ANGPT4: variants seen among roughly 807,000 people sequenced by gnomAD.
ANGPT4 encodes angiopoietin 4, also known as angiopoietin-4.
In ANGPT4, 50 loss-of-function variants were observed where a neutral mutation model predicts 53.0. The ratio of observed to expected loss-of-function variants is 0.94; its 90% CI spans 0.75 to 1.20. The LOEUF is 1.20. Among genes scored for constraint, ANGPT4 ranks in the 50% most tolerant of loss-of-function variants. ANGPT4 has a pLI of 0.00. For synonymous variants in ANGPT4, 251 were observed against 259.7 expected, an observed-to-expected ratio of 0.97 and a Z score of 0.32; for missense variants, 648 against 637.1, an observed-to-expected ratio of 1.02 and a Z score of -0.18.
At chr20:890,432 G>A (rs958518849) in intron 1 of ANGPT4, 64 bp from the exon 2 acceptor site, 35 of 1,491,168 alleles carry the variant, frequency 2.3e-5, no homozygotes, top group East Asian at 4.6e-5. Flanking sequence ...TCCCTCCCAC[G>A]TGTCACCATG....
intron 4 of ANGPT4, among the ~76,000 whole-genome samples, chr20:881,533 C>A (rs993613077): frequency 6.6e-6 from 1 of 152,058 alleles, no homozygotes; most frequent in Non-Finnish European, 1.5e-5. Context: ...ATGCAAAGGC[C>A]CCAAGGTAGG....
intron 1 of ANGPT4, among the ~76,000 whole-genome samples, chr20:909,263 A>G (rs1982607591): frequency 6.6e-6 from 1 of 152,214 alleles, no homozygotes; most frequent in Non-Finnish European, 1.5e-5. Context: ...AATTCACCCC[A>G]GCAAAGCACT....
chr20:891,297 C>T (rs188842639), intron 1 of ANGPT4, among the ~76,000 whole-genome samples: 2 of 152,324 alleles, frequency 1.3e-5, no homozygotes, highest in East Asian at 3.9e-4. Context: ...TTCAGATCCC[C>T]TCTATCTGCC....
chr20:889,248 G>A (rs145514994), intron 2 of ANGPT4, among the ~76,000 whole-genome samples: 1 of 147,046 alleles, frequency 6.8e-6, no homozygotes, highest in Non-Finnish European at 1.5e-5. Context: ...CGCTGTCACT[G>A]GCTAACATAT....
Position 874,660 on chromosome 20 carries a change from G to A in ANGPT4, c.1221-246C>T, listed in dbSNP as rs148453909. ...AGGCCTCCCCTATCTCACTGAACCT[G>A]AGTCTTGGAGAGAAGTGATAATGGT... On this transcript the variant is annotated intron_variant, in intron 7 of 8. Coordinates refer to ENST00000381922, the MANE Select transcript of ANGPT4 (RefSeq NM_015985.4). Among the ~76,000 whole-genome samples the A allele has an allele frequency of 2.0e-5, 3 of 152,342 alleles. No homozygotes were observed. The East Asian group carries it at 5.8e-4, about 29-fold the overall frequency.
At chr20:915,465 C>G (rs903662875) in intron 1 of ANGPT4, among the ~76,000 whole-genome samples, 78 of 152,198 alleles carry the variant, frequency 5.1e-4, no homozygotes, top group African/African-American at 1.7e-3. Flanking sequence ...CAAATGTCAC[C>G]TCCTCTGAGA....
chr20:889,042 C>T lies in ANGPT4; in HGVS notation c.466-603G>A, dbSNP rs186854420. The stretch of plus-strand genomic sequence containing the variant: ...CCTGATGTTCTTGAACCTGCCAGCA[C>T]GTCCATCCTCCCTCCGGGCCTTTGC... On this transcript the variant is annotated intron_variant, in intron 2 of 8. Coordinates refer to ENST00000381922, the MANE Select transcript of ANGPT4 (RefSeq NM_015985.4). Among the ~76,000 whole-genome samples, 712 of 152,304 alleles carry T rather than the reference C, an allele frequency of 4.7e-3. 4 individuals are homozygous for T. Among genetic ancestry groups the T allele is most frequent in the Non-Finnish European group, 6.2e-3 (425 of 68,028 alleles).
intron 7 of ANGPT4, among the ~76,000 whole-genome samples, chr20:877,663 C>G (rs1981220506): frequency 1.3e-5 from 2 of 152,168 alleles, no homozygotes; most frequent in Non-Finnish European, 2.9e-5. Context: ...CCTTGATGAT[C>G]TTACAAGATC....
rs1419863706 is a variant in ANGPT4 at position 871,857 on chromosome 20, T to C, written c.*1103A>G. The C allele has an allele frequency of 2.0e-5, 3 of 152,184 alleles. No individual in the cohort carries two copies. Among genetic ancestry groups the C allele is most frequent in the African/African-American group, 7.2e-5 (3 of 41,440 alleles). The allele number at this position is 152,184 out of a possible 1,614,324, so 9.4% of individuals were successfully genotyped here. ...GTTCTAGACCCTTCTTCAGGGATGG[T>C]ATCTGTTTTAACTGAAAGGTTATTT... On this transcript the variant is annotated 3_prime_UTR_variant, in exon 9 of 9. Transcript: ENST00000381922.
chr20:897,379 G>A (rs926116943), intron 1 of ANGPT4, among the ~76,000 whole-genome samples: 4 of 152,128 alleles, frequency 2.6e-5, no homozygotes, highest in African/African-American at 4.8e-5. Context: ...TTGAGTAAAC[G>A]GTCTTTTCAC....
chr20:891,063 C>T (rs1357734132), intron 1 of ANGPT4, among the ~76,000 whole-genome samples: 1 of 152,216 alleles, frequency 6.6e-6, no homozygotes, highest in African/African-American at 2.4e-5. Flanking sequence ...TGCTCACTGC[C>T]TTGTTTCTAT....
At chr20:902,715 T>A (rs917409375) in intron 1 of ANGPT4, among the ~76,000 whole-genome samples, 48 of 151,816 alleles carry the variant, frequency 3.2e-4, no homozygotes, top group Non-Finnish European at 5.6e-4. Context: ...CAAAAAAAAA[T>A]TTTTTTTTCT....
chr20:882,708 G>A (rs984579563), intron 4 of ANGPT4, among the ~76,000 whole-genome samples: 1 of 152,212 alleles, frequency 6.6e-6, no homozygotes, highest in Admixed American at 6.5e-5. Flanking sequence ...ACCCAGTAAG[G>A]CAAGGACAGA....
chr20:879,796 C>T lies in ANGPT4; in HGVS notation c.1004G>A (p.Arg335His), dbSNP rs770189937. Residue 335 changes from arginine (R) to histidine (H), a missense_variant, in exon 6 of 9, where the codon CGT (arginine) becomes CAT (histidine). Arg to His is a conservative substitution (Grantham distance 29, BLOSUM62 0). Coordinates refer to ENST00000381922, the MANE Select transcript of ANGPT4 (RefSeq NM_015985.4). Reference protein sequence around the residue: ...SGGRWTLIQRRENGTVNFQRN... With the variant: ...SGGRWTLIQRHENGTVNFQRN... The stretch of plus-strand genomic sequence containing the variant: ...CTGAAAATTCACGGTGCCATTCTCA[C>T]GGCGCTGGATGAGGGTCCACCTGCC... The T allele has an allele frequency of 9.9e-6, 16 of 1,613,642 alleles. No individual in the cohort carries two copies. Among genetic ancestry groups the T allele is most frequent in the Middle Eastern group, 1.6e-4 (1 of 6,084 alleles).
At chr20:897,983 C>T (rs1982121575) in intron 1 of ANGPT4, among the ~76,000 whole-genome samples, 1 of 152,116 alleles carries the variant, frequency 6.6e-6, no homozygotes. Flanking sequence ...GATTTTTTGT[C>T]AAAAAATGGG....
At chr20:889,329 C>A (rs1001634987) in intron 2 of ANGPT4, among the ~76,000 whole-genome samples, 46 of 152,204 alleles carry the variant, frequency 3.0e-4, no homozygotes, top group African/African-American at 1.1e-3. Context: ...CGTCATTGTG[C>A]AAACATCATA....
chr20:895,494 C>T (rs955662278), intron 1 of ANGPT4, among the ~76,000 whole-genome samples: 1 of 152,084 alleles, frequency 6.6e-6, no homozygotes, highest in Non-Finnish European at 1.5e-5. Context: ...CTGCTCCTTG[C>T]TGGGGAGAGG....
intron 1 of ANGPT4, among the ~76,000 whole-genome samples, chr20:895,988 T>G (rs1240272701): frequency 2.0e-5 from 3 of 152,180 alleles, no homozygotes; most frequent in Non-Finnish European, 4.4e-5. Context: ...TACATAACTG[T>G]ATATGTCTGT....
At chr20:880,078 G>A (rs923640049) in intron 5 of ANGPT4, among the ~76,000 whole-genome samples, 7 of 152,214 alleles carry the variant, frequency 4.6e-5, no homozygotes, top group Admixed American at 6.5e-5. Context: ...TTTGTAAAAT[G>A]GAGATTCATA....
Sources: gnomAD v4.1 joint callset for allele counts (sites outside exome capture counted in the v4.1 genomes callset) on GRCh38, gnomAD v4.1.1 for gene constraint, MANE v1.5 for transcripts, NCBI Gene and HGNC (gene_info 2026-07-23, HGNC 2026-07-21) for gene names.